Variants in HUWE1 observed in about 807,000 individuals in gnomAD.
HUWE1 encodes the protein E3 ubiquitin-protein ligase HUWE1.
A neutral mutation model predicts 299.4 loss-of-function variants in HUWE1; 18 were observed. The ratio of observed to expected loss-of-function variants is 0.06; its 90% CI spans 0.04 to 0.09. HUWE1 has a LOEUF of 0.09. Among genes scored for constraint, HUWE1 ranks in the 10% least tolerant of loss-of-function variants. The probability of loss-of-function intolerance (pLI) is 1.00; values close to 1 mark genes in which losing one functional copy is unlikely to be tolerated. For missense variants in HUWE1, 1,832 were observed against 3,462.3 expected (o/e 0.53, Z 11.82); for synonymous variants, 1,317 against 1,286.1 (o/e 1.02, Z -0.51).
At chrX:53,651,440 A>T (rs1382196876) in intron 4 of HUWE1, among the ~76,000 whole-genome samples, 1 of 111,552 alleles carries the variant, frequency 9.0e-6, no homozygotes, top group African/African-American at 3.3e-5. Context: ...ACCAAAATCT[A>T]TGCTGCTCAT....
chrX:53,598,712 G>A (rs1556987225), intron 29 of HUWE1, among the ~76,000 whole-genome samples: 1 of 111,626 alleles, frequency 9.0e-6, no homozygotes, highest in Non-Finnish European at 1.9e-5. Flanking sequence ...AAGTTTTTGG[G>A]GAGTCAAACG....
chrX:53,566,111 GTATGTA>G (rs1394824186), intron 49 of HUWE1, among the ~76,000 whole-genome samples: 15 of 48,454 alleles, frequency 3.1e-4, no homozygotes, highest in African/African-American at 8.7e-4. Flanking sequence ...ATGTATGTAT[GTATGTA>G]TGTGTGTGTG....
chrX:53,620,684 G>GA (rs1482342866), intron 19 of HUWE1, among the ~76,000 whole-genome samples: 2 of 111,845 alleles, frequency 1.8e-5, no homozygotes, highest in Admixed American at 9.5e-5. Flanking sequence ...TATGACATCT[G>GA]AAAAAACACA....
chrX:53,686,276 T>A lies in HUWE1; in HGVS notation c.-169A>T, dbSNP rs1370593930. On this transcript the variant is annotated 5_prime_UTR_variant, in exon 2 of 84. It removes an upstream start codon present in the reference 5' UTR. Coordinates refer to ENST00000262854, the MANE Select transcript of HUWE1 (RefSeq NM_031407.7). ...CCATGGCTAATGCCGGTACCTCGCA[T>A]CCCCTCTGTCAGCCGCTCTCTCGCC... 8.8e-6 allele frequency: 1 copy of A among 113,035 alleles called. No homozygotes were observed. Among genetic ancestry groups the A allele is most frequent in the Non-Finnish European group, 1.9e-5 (1 of 53,257 alleles). The allele number at this position is 113,035 out of a possible 1,213,427, so 9.3% of individuals were successfully genotyped here. A position where few individuals can be genotyped will look rare whatever the true frequency, so the allele number is the denominator to read the frequency against.
chrX:53,642,375 A>C (rs1391518269), intron 7 of HUWE1, among the ~76,000 whole-genome samples: 2 of 112,371 alleles, frequency 1.8e-5, no homozygotes, highest in Non-Finnish European at 3.8e-5. Context: ...CTATGTTTAG[A>C]AGCCATCAAT....
In HUWE1 at chrX:53,589,828, G is replaced by A; in HGVS notation, c.4192-12C>T. The A allele has an allele frequency of 8.3e-7, 1 of 1,199,030 alleles. No individual in the cohort carries two copies. Among genetic ancestry groups the A allele is most frequent in the Non-Finnish European group, 1.1e-6 (1 of 887,568 alleles). ...CGGCAAGCAACTTCCTGGAAGCAGGGAAGGAAGTGTGAATAATACACAGGA... is the reference window on the plus strand; with the variant it reads ...CGGCAAGCAACTTCCTGGAAGCAGGAAAGGAAGTGTGAATAATACACAGGA... On this transcript the variant is annotated splice_polypyrimidine_tract_variant and intron_variant, in intron 35 of 83. Coordinates refer to ENST00000262854, the MANE Select transcript of HUWE1 (RefSeq NM_031407.7).
chrX:53,578,528 A>G (rs1442141166), intron 43 of HUWE1, among the ~76,000 whole-genome samples: 13 of 47,112 alleles, frequency 2.8e-4, no homozygotes, highest in African/African-American at 4.4e-4. Flanking sequence ...TCCGGGAGGG[A>G]GGTGGGGGGT....
chrX:53,580,862 G>A lies in HUWE1; in HGVS notation c.5685C>T (p.Ile1895=). 2 of 1,211,399 alleles carry A rather than the reference G, an allele frequency of 1.7e-6. No homozygotes were observed. The highest frequency in any genetic ancestry group is 2.2e-5 in the Admixed American group (1 of 46,019). The change falls in exon 43 of 84, where the codon ATC becomes ATT. Residue 1895 remains isoleucine, a synonymous_variant. Coordinates refer to ENST00000262854, the MANE Select transcript of HUWE1 (RefSeq NM_031407.7). ...FTEVANCCIR[I]ALPAPRGSGT... is the part of the protein sequence containing the mutation. The stretch of plus-strand genomic sequence containing the variant: ...CTGAGCCTCGAGGGGCAGGAAGGGC[G>A]ATGCGGATACAGCAGTTGGCCACTT...
chrX:53,620,354 T>G (rs2066067133), intron 19 of HUWE1, among the ~76,000 whole-genome samples: 1 of 109,241 alleles, frequency 9.2e-6, no homozygotes, highest in African/African-American at 3.3e-5. Flanking sequence ...CTCCAGTACT[T>G]AAGTGATCCT....
intron 42 of HUWE1, among the ~76,000 whole-genome samples, chrX:53,581,730 T>C (rs1455190718): frequency 9.0e-6 from 1 of 111,594 alleles, no homozygotes; most frequent in African/African-American, 3.3e-5. Flanking sequence ...ATCTTGCCTG[T>C]CTGGCTGTAA....
rs182140073 is a variant in HUWE1 at position 53,570,620 on chromosome X, G to A, written c.6313-793C>T. Among the ~76,000 whole-genome samples, 334 of 112,404 alleles carry A rather than the reference G, an allele frequency of 3.0e-3. 1 individual carries two copies. The highest frequency in any genetic ancestry group is 0.01 in the African/African-American group (318 of 31,017). On this transcript the variant is annotated intron_variant, in intron 47 of 83. Coordinates refer to ENST00000262854, the MANE Select transcript of HUWE1 (RefSeq NM_031407.7). ...TTAATGCAAGGTTATTTAAAGTAAC[G>A]AAAAAGGCTCAATAGAGGAAGGAAA... is the stretch of plus-strand genomic sequence containing the variant.
Position 53,585,172 on chromosome X carries a change from C to T in HUWE1, c.4841G>A (p.Ser1614Asn), listed in dbSNP as rs2063797062. 1 of 1,211,885 alleles carries T rather than the reference C, an allele frequency of 8.3e-7. No homozygotes were observed. The highest frequency in any genetic ancestry group is 2.2e-5 in the Admixed American group (1 of 46,127). Residue 1614 changes from serine (S) to asparagine (N), a missense_variant, in exon 40 of 84, where the codon AGC becomes AAC. This residue lies in a region of HUWE1 where 658 missense variants were observed against 1,282.6 expected (regional missense o/e 0.51). Transcript: ENST00000262854. ...ATCATCAAACCAGCGCCAGTTGTTG[C>T]TGTTGGATTGCAGGTACTAAACATA... ...AQMTKYLQSNSNNWRWFDDRS... is the reference protein window; with the variant it reads ...AQMTKYLQSNNNNWRWFDDRS...
chrX:53,541,258 CAGA>C (rs1207511844), intron 74 of HUWE1, among the ~76,000 whole-genome samples: 1 of 111,900 alleles, frequency 8.9e-6, no homozygotes, highest in Non-Finnish European at 1.9e-5. Context: ...CCTCAGGTCC[CAGA>C]AGCAGTAAAT....
At chrX:53,646,525 A>G (rs1245478336) in intron 6 of HUWE1, among the ~76,000 whole-genome samples, 1 of 111,876 alleles carries the variant, frequency 8.9e-6, no homozygotes, top group Non-Finnish European at 1.9e-5. Context: ...AATTAAAATC[A>G]GTATGTAATA....
In HUWE1 at chrX:53,660,548, AG is replaced by A. The variant is rs1384022440; in HGVS notation, c.-24-6418del. On this transcript the variant is annotated intron_variant, in intron 3 of 83. Transcript: ENST00000262854. ...TTCTAAAACTGGTTTCAACAGTGGG[AG>A]GGGGGAACGTTAGTATACTGAGTGT... Among the ~76,000 whole-genome samples, 6 of 112,044 alleles carry A rather than the reference AG, an allele frequency of 5.4e-5. No individual in the cohort carries two copies. The East Asian group carries it at 1.4e-3, about 26-fold the overall frequency.
chrX:53,548,260 T>C lies in HUWE1; in HGVS notation c.10049A>G (p.His3350Arg). Reference protein sequence around the residue: ...LIQLAKVFPSHFTQQRTKETN... With the variant: ...LIQLAKVFPSRFTQQRTKETN... ...TTCTTTGGTCCGCTGCTGTGTGAAG[T>C]GGCTGGGAAATACCTGCCGGGAAAA... Residue 3350 changes from histidine to arginine, a missense_variant, in exon 68 of 84, where the codon CAC (histidine) becomes CGC (arginine). Physicochemically the swap from His to Arg is conservative, Grantham distance 29. This residue lies in a region of HUWE1 where 80 missense variants were observed against 142.1 expected (regional missense o/e 0.56). Transcript: ENST00000262854. 8.3e-7 allele frequency: 1 copy of C among 1,209,813 alleles called. No homozygotes were observed. Among genetic ancestry groups the C allele is most frequent in the Non-Finnish European group, 1.1e-6 (1 of 894,328 alleles).
At chrX:53,648,775 A>G (rs1282923849) in intron 4 of HUWE1, among the ~76,000 whole-genome samples, 3 of 112,020 alleles carry the variant, frequency 2.7e-5, no homozygotes, top group South Asian at 7.4e-4. Flanking sequence ...AAAGGTGAAG[A>G]TTAGCACTAG....
At chrX:53,536,752 G>A in intron 78 of HUWE1, 85 bp from the exon 79 acceptor site, 1 of 842,534 alleles carries the variant, frequency 1.2e-6, no homozygotes, top group Non-Finnish European at 1.7e-6. Context: ...AGACTGTGAA[G>A]CAGTGTCTGG....
chrX:53,663,890 A>C (rs1557046531), intron 3 of HUWE1, among the ~76,000 whole-genome samples: 1 of 110,308 alleles, frequency 9.1e-6, no homozygotes, highest in Non-Finnish European at 1.9e-5. Flanking sequence ...AAAAAAAAAA[A>C]AAAACCTGGG....
Sources: allele counts gnomAD v4.1 joint callset (sites outside exome capture counted in the v4.1 genomes callset), GRCh38; gene constraint gnomAD v4.1.1; regional missense constraint gnomAD v4.1.1; transcripts MANE v1.5; gene names NCBI Gene and HGNC (gene_info 2026-07-23, HGNC 2026-07-21).